Variants in VPS13B observed in about 807,000 individuals in gnomAD.
The protein encoded by VPS13B is vacuolar protein sorting 13 homolog B, also known as intermembrane lipid transfer protein VPS13B.
In VPS13B, 285 loss-of-function variants were observed where a neutral mutation model predicts 426.4. The ratio of observed to expected loss-of-function variants is 0.67; its 90% CI spans 0.61 to 0.74. The LOEUF (loss-of-function observed/expected upper bound fraction) is 0.74, where lower values mean the gene tolerates loss of function less well. Among genes scored for constraint, VPS13B ranks in the 30% least tolerant of loss-of-function variants. The pLI is 0.00. For missense variants in VPS13B, 4,537 were observed against 4,782.6 expected, an observed-to-expected ratio of 0.95 and a Z score of 1.51; for synonymous variants, 1,676 against 1,676.4, an observed-to-expected ratio of 1.00 and a Z score of 0.01.
intron 17 of VPS13B, among the ~76,000 whole-genome samples, chr8:99,247,046 C>A (rs1384526165): frequency 6.6e-6 from 1 of 152,048 alleles, no homozygotes. Flanking sequence ...AATCCTCAAC[C>A]CCTAATATAG....
chr8:99,742,728 A>G (rs1432042633), intron 39 of VPS13B, among the ~76,000 whole-genome samples: 1 of 152,210 alleles, frequency 6.6e-6, no homozygotes, highest in Non-Finnish European at 1.5e-5. Flanking sequence ...CAAAAACCAT[A>G]TGATTATCTC....
intron 23 of VPS13B, among the ~76,000 whole-genome samples, chr8:99,454,296 TGAG>T (rs1818343831): frequency 6.6e-6 from 1 of 152,146 alleles, no homozygotes; most frequent in Non-Finnish European, 1.5e-5. Context: ...GTAATCCTCC[TGAG>T]GAGGACTATT....
intron 37 of VPS13B, 131 bp from the exon 38 acceptor site, chr8:99,720,214 G>A: frequency 1.3e-6 from 1 of 754,996 alleles, no homozygotes; most frequent in Non-Finnish European, 2.1e-6. Flanking sequence ...TACTTTTTAG[G>A]AATTATAGTT....
chr8:99,579,978 G>C (rs1354304995), intron 33 of VPS13B, among the ~76,000 whole-genome samples: 3 of 152,118 alleles, frequency 2.0e-5, no homozygotes, highest in African/African-American at 7.2e-5. Flanking sequence ...GATTACAGGC[G>C]TGAGCTACTG....
Position 99,831,813 on chromosome 8 carries a change from A to G in VPS13B, c.9331-556A>G, listed in dbSNP as rs921652890. ...CACGGTTATATACAAGTACTACGCC[A>G]TTTTTGTATAAGGGACTTGAGCATC... On this transcript the variant is annotated intron_variant, in intron 51 of 61. Transcript: ENST00000357162. 6.0e-4 allele frequency among the ~76,000 whole-genome samples: 91 copies of G among 152,234 alleles called. 3 individuals are homozygous for G. The highest frequency in any genetic ancestry group is 2.1e-4 in the South Asian group (1 of 4,828).
chr8:99,856,310 G>A (rs1816543750), intron 56 of VPS13B, among the ~76,000 whole-genome samples: 1 of 152,188 alleles, frequency 6.6e-6, no homozygotes, highest in African/African-American at 2.4e-5. Context: ...AAAATCTATG[G>A]ACAATCTGAA....
At chr8:99,280,467 A>T (rs534208213) in intron 19 of VPS13B, among the ~76,000 whole-genome samples, 7 of 152,250 alleles carry the variant, frequency 4.6e-5, no homozygotes, top group Admixed American at 2.0e-4. Context: ...TTACCATTTT[A>T]TCTCCAGGGC....
intron 17 of VPS13B, among the ~76,000 whole-genome samples, chr8:99,223,689 T>C (rs1225364332): frequency 1.3e-5 from 2 of 152,194 alleles, no homozygotes; most frequent in Non-Finnish European, 2.9e-5. Flanking sequence ...ATGAAGTTTG[T>C]ACAAACTGCT....
chr8:99,824,078 G>A (rs1017094033), intron 51 of VPS13B, 100 bp downstream of exon 51: 1 of 1,385,098 alleles, frequency 7.2e-7, no homozygotes, highest in Non-Finnish European at 1.0e-6. Context: ...AGCTAACCCT[G>A]AATGTAGGTA....
At chr8:99,163,019 C>G (rs1811760913) in intron 15 of VPS13B, among the ~76,000 whole-genome samples, 1 of 152,162 alleles carries the variant, frequency 6.6e-6, no homozygotes, top group South Asian at 2.1e-4. Flanking sequence ...CACAGGTTCT[C>G]CAAGGCCCCA....
chr8:99,852,793 G>C (rs1353989779), intron 55 of VPS13B, among the ~76,000 whole-genome samples: 1 of 152,092 alleles, frequency 6.6e-6, no homozygotes, highest in Non-Finnish European at 1.5e-5. Context: ...GTAGCTAAGG[G>C]AGAGAGTGGA....
chr8:99,650,674 A>G (rs1232503372), intron 34 of VPS13B, among the ~76,000 whole-genome samples: 1 of 152,208 alleles, frequency 6.6e-6, no homozygotes, highest in African/African-American at 2.4e-5. Context: ...ATACAATTAC[A>G]ACAATATACT....
chr8:99,802,592 A>G (rs1373509190), intron 43 of VPS13B, among the ~76,000 whole-genome samples: 1 of 152,198 alleles, frequency 6.6e-6, no homozygotes, highest in Non-Finnish European at 1.5e-5. Context: ...TAACCCTAAA[A>G]TAACCACTGT....
intron 17 of VPS13B, among the ~76,000 whole-genome samples, chr8:99,258,478 A>G (rs1817872338): frequency 6.6e-6 from 1 of 152,032 alleles, no homozygotes; most frequent in South Asian, 2.1e-4. Flanking sequence ...TCTGGAGCCT[A>G]TGGGGGAGAT....
At chr8:99,298,499 A>AAATT (rs562345851) in intron 19 of VPS13B, among the ~76,000 whole-genome samples, 1 of 152,102 alleles carries the variant, frequency 6.6e-6, no homozygotes, top group South Asian at 2.1e-4. Flanking sequence ...CAAAATAAAT[A>AAATT]AATTAATTAA....
intron 3 of VPS13B, among the ~76,000 whole-genome samples, chr8:99,082,908 T>C (rs1845563072): frequency 6.6e-6 from 1 of 152,218 alleles, no homozygotes; most frequent in Admixed American, 6.5e-5. Flanking sequence ...TGCCTCCAGC[T>C]TTGTTCTTTT....
intron 35 of VPS13B, among the ~76,000 whole-genome samples, chr8:99,688,226 C>T (rs974193383): frequency 1.3e-5 from 2 of 150,198 alleles, no homozygotes; most frequent in African/African-American, 4.9e-5. Context: ...GAGTGAGCCA[C>T]TCAGAATTGC....
At chr8:99,548,618 A>G (rs1223380269) in intron 30 of VPS13B, among the ~76,000 whole-genome samples, 1 of 152,014 alleles carries the variant, frequency 6.6e-6, no homozygotes, top group African/African-American at 2.4e-5. Context: ...TGAAAAAGCA[A>G]AAATGCTTTT....
chr8:99,861,186 A>G (rs1434045362), intron 57 of VPS13B, among the ~76,000 whole-genome samples: 1 of 152,240 alleles, frequency 6.6e-6, no homozygotes, highest in East Asian at 1.9e-4. Context: ...ATAGTGAAGG[A>G]TAGTTTCATA....
Sources: allele counts gnomAD v4.1 joint callset (sites outside exome capture counted in the v4.1 genomes callset), GRCh38; gene constraint gnomAD v4.1.1; transcripts MANE v1.5; gene names NCBI Gene and HGNC (gene_info 2026-07-23, HGNC 2026-07-21).